Variants in TICRR observed in about 807,000 individuals in gnomAD.
TICRR encodes the protein TOPBP1 interacting checkpoint and replication regulator.
In TICRR, 132 loss-of-function variants were observed where a neutral mutation model predicts 178.1. The ratio of observed to expected loss-of-function variants is 0.74; its 90% CI spans 0.64 to 0.86. The LOEUF is 0.86. TICRR is among the 40% of genes least tolerant of loss of function. The probability of loss-of-function intolerance (pLI) is 0.00; values close to 1 mark genes in which losing one functional copy is unlikely to be tolerated. For synonymous variants in TICRR, 991 were observed against 900.7 expected (o/e 1.10, Z -1.79); for missense variants, 2,587 against 2,334.3 (o/e 1.11, Z -2.23).
At chr15:89,590,456 C>G (rs547114942) in intron 4 of TICRR, among the ~76,000 whole-genome samples, 1 of 152,296 alleles carries the variant, frequency 6.6e-6, no homozygotes, top group South Asian at 2.1e-4. Context: ...TTGGAAGCAG[C>G]TCAGAAAACT....
Position 89,627,132 on chromosome 15 carries a change from C to A in TICRR, c.*46C>A. ...AAAAGATCAAGGAGTCAGCCAGGACCCTGTGGACATAAAGAAGTTGGATGC... is the reference window on the plus strand; with the variant it reads ...AAAAGATCAAGGAGTCAGCCAGGACACTGTGGACATAAAGAAGTTGGATGC... On this transcript the variant is annotated 3_prime_UTR_variant, in exon 22 of 22. Transcript: ENST00000268138. 6.2e-7 allele frequency: 1 copy of A among 1,607,738 alleles called. No homozygotes were observed. The highest frequency in any genetic ancestry group is 8.5e-7 in the Non-Finnish European group (1 of 1,177,218).
At position 89,625,351 on chromosome 15, in the gene TICRR, A is replaced by G. The variant is rs1567053894; in HGVS notation, c.5041A>G (p.Ile1681Val). The G allele has an allele frequency of 6.2e-7, 1 of 1,613,966 alleles. No individual in the cohort carries two copies. The highest frequency in any genetic ancestry group is 1.3e-5 in the African/African-American group (1 of 75,002). The change falls in exon 20 of 22, where the codon ATA (isoleucine) becomes GTA (valine). Residue 1681 changes from isoleucine (I) to valine (V), a missense_variant. Physicochemically the swap from Ile to Val is conservative, Grantham distance 29. Transcript: ENST00000268138. ...PKHSGKTTPD[I>V]IKDWPRRKRA... ...GCACAGTGGGAAGACAACTCCAGAC[A>G]TAATTAAAGACTGGCCCAGGAGGAA... is the stretch of plus-strand genomic sequence containing the variant.
rs531958056 is a variant in TICRR, at chr15:89,627,307, T to C, written c.*221T>C. ...GGAGGAGAGGTGGATGGCAATGTGA[T>C]TGGTGCTATAACTCAGGCAGCCTGG... is the stretch of plus-strand genomic sequence containing the variant. On this transcript the variant is annotated 3_prime_UTR_variant, in exon 22 of 22. Coordinates refer to ENST00000268138, the MANE Select transcript of TICRR (RefSeq NM_152259.4). The C allele has an allele frequency of 9.4e-5, 54 of 572,944 alleles. 1 individual carries two copies. Among genetic ancestry groups the C allele is most frequent in the Non-Finnish European group, 1.5e-4 (49 of 330,212 alleles). The allele number at this position is 572,944 out of a possible 1,614,324, so 35.5% of individuals were successfully genotyped here. A position where few individuals can be genotyped will look rare whatever the true frequency, so the allele number is the denominator to read the frequency against.
At chr15:89,616,548 G>T in intron 16 of TICRR, 53 bp downstream of exon 16, 1 of 1,416,604 alleles carries the variant, frequency 7.1e-7, no homozygotes, top group Non-Finnish European at 9.9e-7. Context: ...ACCTCAAAGC[G>T]GCCTTGTGGG....
chr15:89,589,419 GC>G (rs1418412704), intron 4 of TICRR, among the ~76,000 whole-genome samples: 1 of 152,148 alleles, frequency 6.6e-6, no homozygotes, highest in East Asian at 1.9e-4. Flanking sequence ...TCCCTCCAAA[GC>G]CCTGCCCAGG....
In TICRR at chr15:89,602,903, CT is replaced by C; in HGVS notation, c.2664+13del. On this transcript the variant is annotated intron_variant, in intron 13 of 21. Transcript: ENST00000268138. ...AGAGCTACGAAAAAAGTAAGTAAAC[CT>C]TCCAGCTTGAGATGACACAGTAAAT... 1.4e-6 allele frequency: 2 copies of C among 1,448,602 alleles called. No homozygotes were observed. Among genetic ancestry groups the C allele is most frequent in the East Asian group, 2.6e-5 (1 of 38,934 alleles). 89.7% of individuals were successfully genotyped at this position (1,448,602 alleles called of 1,614,324 possible). A position where few individuals can be genotyped will look rare whatever the true frequency, so the allele number is the denominator to read the frequency against.
Position 89,599,884 on chromosome 15 carries a change from G to T in TICRR, c.2052+409G>T, listed in dbSNP as rs540268030. 1.5e-3 allele frequency among the ~76,000 whole-genome samples: 228 copies of T among 152,272 alleles called. 1 individual carries two copies. Among genetic ancestry groups the T allele is most frequent in the African/African-American group, 5.2e-3 (215 of 41,548 alleles). Reference sequence around the variant, plus strand: ...GCACTTTGGGAGGCCAGGGTGGGTGGATCACGAGGTCAGGAGTTTGAGACC... The same window carrying T: ...GCACTTTGGGAGGCCAGGGTGGGTGTATCACGAGGTCAGGAGTTTGAGACC... On this transcript the variant is annotated intron_variant, in intron 8 of 21. Transcript: ENST00000268138.
At chr15:89,591,996 T>G in intron 4 of TICRR, 51 bp from the exon 5 acceptor site, 1 of 1,566,612 alleles carries the variant, frequency 6.4e-7, no homozygotes, top group Non-Finnish European at 8.7e-7. Context: ...AATTCTCTGC[T>G]TTGGTTCTCA....
chr15:89,598,218 C>T (rs1000248273), intron 7 of TICRR, among the ~76,000 whole-genome samples: 1 of 152,008 alleles, frequency 6.6e-6, no homozygotes, highest in Non-Finnish European at 1.5e-5. Context: ...CGTGATCTGC[C>T]CACCTCAGCC....
At chr15:89,613,734 C>CTTTTTTTTTTTTTTTTTTTTTTTTGTT (rs34162195) in intron 15 of TICRR, among the ~76,000 whole-genome samples, 1 of 61,570 alleles carries the variant, frequency 1.6e-5, no homozygotes, top group Non-Finnish European at 3.0e-5. Context: ...TTTCTATTCG[C>CTTTTTTTTTTTTTTTTTTTTTTTTGTT]TTTTTTTTTT....
intron 15 of TICRR, 90 bp downstream of exon 15, chr15:89,609,039 T>G: frequency 7.9e-7 from 1 of 1,263,916 alleles, no homozygotes. Context: ...GATTTAGTAA[T>G]TTGAGTCTTC....
intron 7 of TICRR, among the ~76,000 whole-genome samples, chr15:89,598,376 T>A (rs1253526302): frequency 2.6e-5 from 4 of 152,184 alleles, no homozygotes; most frequent in African/African-American, 9.6e-5. Context: ...TGTTTGTTTG[T>A]TTTGAGACGG....
rs759989421 is a variant in TICRR at position 89,599,359 on chromosome 15, C to G, written c.1936C>G (p.Arg646Gly). ...KTEEELLSYIRENYQKTVATG... is the reference protein window; with the variant it reads ...KTEEELLSYIGENYQKTVATG... ...TGAGGAAGAGCTGCTATCATATATA[C>G]GTGAAAATTACCAAAAGACTGTGGC... is the stretch of plus-strand genomic sequence containing the variant. The change falls in exon 8 of 22, where the codon CGT (arginine) becomes GGT (glycine). Residue 646 changes from arginine (R) to glycine (G), a missense_variant. Transcript: ENST00000268138. 2 of 1,611,950 alleles carry G rather than the reference C, an allele frequency of 1.2e-6. No individual in the cohort carries two copies. Among genetic ancestry groups the G allele is most frequent in the Non-Finnish European group, 1.7e-6 (2 of 1,178,996 alleles).
intron 17 of TICRR, among the ~76,000 whole-genome samples, chr15:89,619,204 C>T (rs1365731883): frequency 7.3e-5 from 11 of 150,726 alleles, no homozygotes; most frequent in Admixed American, 2.6e-4. Context: ...TACTTGTTTT[C>T]GCCCTACACC....
intron 7 of TICRR, among the ~76,000 whole-genome samples, chr15:89,597,269 A>G (rs1160425441): frequency 2.0e-5 from 3 of 152,150 alleles, no homozygotes; most frequent in African/African-American, 4.8e-5. Flanking sequence ...CATGCCTGTA[A>G]TCCTAGCACT....
At chr15:89,577,632 A>G (rs1962648199) in intron 1 of TICRR, among the ~76,000 whole-genome samples, 1 of 105,366 alleles carries the variant, frequency 9.5e-6, no homozygotes, top group Non-Finnish European at 1.8e-5. Flanking sequence ...TTTTTGAGAC[A>G]GAGTCTCGCT....
At chr15:89,614,023 G>A (rs142563806) in intron 15 of TICRR, among the ~76,000 whole-genome samples, 3,254 of 151,986 alleles carry the variant, frequency 0.021, 109 homozygotes, top group African/African-American at 0.072. Flanking sequence ...GCGTGGTGGC[G>A]GGCGCCTGTA....
intron 21 of TICRR, 37 bp from the exon 22 acceptor site, chr15:89,626,919 T>G (rs777633667): frequency 6.2e-7 from 1 of 1,604,712 alleles, no homozygotes; most frequent in East Asian, 2.2e-5. Context: ...CGGTCCTCTG[T>G]GACTCCTGCA....
chr15:89,604,270 G>T (rs545102384), intron 13 of TICRR, among the ~76,000 whole-genome samples: 1 of 152,194 alleles, frequency 6.6e-6, no homozygotes, highest in Non-Finnish European at 1.5e-5. Context: ...TCTTTTAAAT[G>T]GTTAATGGTG....
Sources: allele counts gnomAD v4.1 joint callset (sites outside exome capture counted in the v4.1 genomes callset), GRCh38; gene constraint gnomAD v4.1.1; transcripts MANE v1.5; gene names NCBI Gene and HGNC (gene_info 2026-07-23, HGNC 2026-07-21).